PTPRB: variants seen among roughly 807,000 people sequenced by gnomAD.
PTPRB encodes receptor-type tyrosine-protein phosphatase beta.
A neutral mutation model predicts 238.1 loss-of-function variants in PTPRB; 97 were observed. That is an observed-to-expected ratio of 0.41 (90% confidence interval 0.35 to 0.48). The LOEUF (loss-of-function observed/expected upper bound fraction) is 0.48, where lower values mean the gene tolerates loss of function less well. Among genes scored for constraint, PTPRB ranks in the 20% least tolerant of loss-of-function variants. The pLI is 0.30. For synonymous variants in PTPRB, 970 were observed against 995.4 expected (o/e 0.97, Z 0.48); for missense variants, 2,292 against 2,681.9 (o/e 0.85, Z 3.21).
Position 70,555,287 on chromosome 12 carries a change from G to A in PTPRB, c.5016C>T (p.His1672=), listed in dbSNP as rs143512387. The change falls in exon 20 of 34, where the codon CAC becomes CAT. Residue 1672 remains histidine (H), a synonymous_variant. Transcript: ENST00000334414. ...GCACATCCTTTTCATTCACACGAAT[G>A]TGTGGGGGTGGAGGAGGGGGGCCTG... ...MIDRPPPPPP[H]IRVNEKDVLI... is the part of the protein sequence containing the mutation. 448 of 1,612,976 alleles carry A rather than the reference G, an allele frequency of 2.8e-4. 1 individual carries two copies. Among genetic ancestry groups the A allele is most frequent in the Non-Finnish European group, 3.5e-4 (416 of 1,179,674 alleles).
intron 20 of PTPRB, among the ~76,000 whole-genome samples, chr12:70,554,632 G>T (rs553298913): frequency 1.3e-5 from 2 of 152,192 alleles, no homozygotes; most frequent in African/African-American, 4.8e-5. Context: ...CAGTGGAGAA[G>T]GGAAGAATGT....
At chr12:70,607,463 C>T (rs186335020) in intron 4 of PTPRB, among the ~76,000 whole-genome samples, 61 of 152,152 alleles carry the variant, frequency 4.0e-4, no homozygotes, top group African/African-American at 1.5e-3. Context: ...CCCAGCCTTT[C>T]AACTTTTGTA....
rs1267036118 is a variant in PTPRB at position 70,576,604 on chromosome 12, G to T, written c.2620C>A (p.Arg874Ser). ...VSGVTVNNSG[R>S]NDYLSVSWLL... ...CAGGAAACGCTGAGGTAGTCATTACGACCGGAATTGTTCACCGTTACTCCA... is the reference window on the plus strand; with the variant it reads ...CAGGAAACGCTGAGGTAGTCATTACTACCGGAATTGTTCACCGTTACTCCA... Residue 874 changes from arginine to serine, a missense_variant, in exon 11 of 34, where the codon CGT becomes AGT. Physicochemically the swap from Arg to Ser is moderately radical, Grantham distance 110 (BLOSUM62 -1). Transcript: ENST00000334414. 6.7e-7 allele frequency: 1 copy of T among 1,495,908 alleles called. No individual in the cohort carries two copies. The highest frequency in any genetic ancestry group is 1.2e-5 in the South Asian group (1 of 83,178). 92.7% of individuals were successfully genotyped at this position (1,495,908 alleles called of 1,614,324 possible).
At chr12:70,614,042 A>G (rs928848790) in intron 3 of PTPRB, among the ~76,000 whole-genome samples, 16 of 152,114 alleles carry the variant, frequency 1.1e-4, no homozygotes, top group African/African-American at 3.9e-4. Flanking sequence ...GGAAAAGGAG[A>G]AGGAGGAGGG....
intron 24 of PTPRB, 28 bp from the exon 25 acceptor site, chr12:70,539,872 CTT>C (rs1565916515): frequency 6.3e-7 from 1 of 1,576,264 alleles, no homozygotes; most frequent in South Asian, 1.1e-5. Context: ...AAGAGGAAGA[CTT>C]TGTTAGCAAA....
At chr12:70,538,388 G>A in intron 27 of PTPRB, 157 bp from the exon 28 acceptor site, 1 of 593,006 alleles carries the variant, frequency 1.7e-6, no homozygotes, top group Non-Finnish European at 2.9e-6. Context: ...TAACTAACTT[G>A]CCCCATGTTG....
chr12:70,571,751 T>A, intron 12 of PTPRB, 73 bp downstream of exon 12: 1 of 1,507,556 alleles, frequency 6.6e-7, no homozygotes, highest in Non-Finnish European at 8.9e-7. Flanking sequence ...GCAGAAAAAA[T>A]TCAAGGTTCA....
chr12:70,564,385 A>T (rs1878944606), intron 15 of PTPRB, among the ~76,000 whole-genome samples: 1 of 151,740 alleles, frequency 6.6e-6, no homozygotes, highest in Admixed American at 6.6e-5. Flanking sequence ...AGTGGTGCAT[A>T]CCTGTAGTCC....
At chr12:70,543,184 G>A (rs1297622877) in intron 22 of PTPRB, 1 of 151,976 alleles carries the variant, frequency 6.6e-6, no homozygotes, top group South Asian at 2.1e-4. Context: ...CTAATCCAAG[G>A]TTACAAAGAT....
chr12:70,621,416 T>C (rs1409582785), intron 3 of PTPRB, among the ~76,000 whole-genome samples: 2 of 152,178 alleles, frequency 1.3e-5, no homozygotes, highest in Admixed American at 6.5e-5. Flanking sequence ...TAAAGTGATA[T>C]AGAGTGTCCA....
At chr12:70,559,229 C>T (rs962378474) in intron 18 of PTPRB, 114 bp downstream of exon 18, 33 of 1,174,678 alleles carry the variant, frequency 2.8e-5, no homozygotes, top group Non-Finnish European at 3.7e-5. Flanking sequence ...AATTCAAATC[C>T]AGACCAATCC....
chr12:70,581,876 G>A (rs959185426), intron 9 of PTPRB, among the ~76,000 whole-genome samples: 1 of 151,768 alleles, frequency 6.6e-6, no homozygotes, highest in African/African-American at 2.4e-5. Flanking sequence ...CTATGTGCCA[G>A]TTATGAGCTA....
rs73332218 is a variant in PTPRB, at chr12:70,540,973, T to C, written c.5495-16A>G. ...AACAAGGGCTCTACAATAATCCAGA[T>C]AGAAACAACAAACGCAGGTGGGAAA... On this transcript the variant is annotated splice_polypyrimidine_tract_variant and intron_variant, in intron 22 of 33. Coordinates refer to ENST00000334414, the MANE Select transcript of PTPRB (RefSeq NM_001109754.4). 15,444 of 1,584,328 alleles carry C rather than the reference T, an allele frequency of 9.7e-3. 1,269 individuals carry two copies. The African/African-American group carries it at 0.18, about 18-fold the overall frequency.
chr12:70,571,874 G>C lies in PTPRB; in HGVS notation c.3056C>G (p.Thr1019Ser), dbSNP rs1323199108. 1 of 1,613,870 alleles carries C rather than the reference G, an allele frequency of 6.2e-7. No individual in the cohort carries two copies. Among genetic ancestry groups the C allele is most frequent in the Non-Finnish European group, 8.5e-7 (1 of 1,179,800 alleles). Residue 1019 changes from threonine to serine, a missense_variant, in exon 12 of 34, where the codon ACT becomes AGT. Thr to Ser is a moderately conservative substitution (Grantham distance 58). This residue lies in a region of PTPRB where 1,205 missense variants were observed against 1,287.8 expected (regional missense o/e 0.94). Coordinates refer to ENST00000334414, the MANE Select transcript of PTPRB (RefSeq NM_001109754.4). ...GGCTTCATATTGTCCACTTTTTGTA[G>C]TAACAGTGACACTGTACAACCGTCC... ...VPGRLYSVTV[T>S]TKSGQYEANE...
rs1377465961 is a variant in PTPRB, at chr12:70,596,049, C to A, written c.1258G>T (p.Val420Leu). 2 of 1,593,442 alleles carry A rather than the reference C, an allele frequency of 1.3e-6. No homozygotes were observed. The change falls in exon 5 of 34, where the codon GTG becomes TTG. Residue 420 changes from valine (V) to leucine (L), a missense_variant and splice_region_variant. Around this residue, in one of 4 missense-constraint regions of PTPRB, gnomAD observed 1,205 missense variants for 1,287.8 expected, o/e 0.94. Transcript: ENST00000334414. ...SFSVYTNGSTVPSPVKDIGIS... is the reference protein window; with the variant it reads ...SFSVYTNGSTLPSPVKDIGIS... ...CAGCTATAAAATAAACAGGTCTTAC[C>A]TGTTGATCCATTGGTATAAACTGAA...
chr12:70,616,639 GCAC>G (rs1884692238), intron 3 of PTPRB, among the ~76,000 whole-genome samples: 1 of 152,148 alleles, frequency 6.6e-6, no homozygotes, highest in Non-Finnish European at 1.5e-5. Flanking sequence ...CCAATGGTAA[GCAC>G]CACAAGCTTC....
At chr12:70,612,356 GA>G (rs1334613883) in intron 3 of PTPRB, among the ~76,000 whole-genome samples, 1 of 152,148 alleles carries the variant, frequency 6.6e-6, no homozygotes, top group Non-Finnish European at 1.5e-5. Flanking sequence ...GTATAGGACT[GA>G]AAAAAGCTTC....
At chr12:70,609,380 G>C (rs768540230) in intron 3 of PTPRB, 41 bp from the exon 4 acceptor site, 2 of 1,594,958 alleles carry the variant, frequency 1.3e-6, no homozygotes. Context: ...TCCACAGTCT[G>C]GACTGCTCAG....
chr12:70,621,419 A>G (rs2439733), intron 3 of PTPRB, among the ~76,000 whole-genome samples: 34,293 of 152,106 alleles, frequency 0.23, 4,590 homozygotes, highest in East Asian at 0.58. Flanking sequence ...AGTGATATAG[A>G]GTGTCCAGAA....
Sources: allele counts gnomAD v4.1 joint callset (sites outside exome capture counted in the v4.1 genomes callset), GRCh38; gene constraint gnomAD v4.1.1; regional missense constraint gnomAD v4.1.1; transcripts MANE v1.5; gene names NCBI Gene and HGNC (gene_info 2026-07-23, HGNC 2026-07-21).